Variants in FRY observed in about 807,000 individuals in gnomAD.
The protein encoded by FRY is FRY microtubule binding protein.
In FRY, 128 loss-of-function variants were observed where a neutral mutation model predicts 348.4. The observed-to-expected ratio is 0.37, with a 90% confidence interval of 0.32 to 0.43. FRY has a LOEUF of 0.43. Among genes scored for constraint, FRY ranks in the 20% least tolerant of loss-of-function variants. The pLI is 1.00. For synonymous variants in FRY, 1,370 were observed against 1,374.7 expected, an observed-to-expected ratio of 1.00 and a Z score of 0.08; for missense variants, 2,736 against 3,695.2, an observed-to-expected ratio of 0.74 and a Z score of 6.73.
intron 42 of FRY, 91 bp from the exon 43 acceptor site, chr13:32,235,987 A>G (rs1593781663): frequency 1.1e-6 from 1 of 932,620 alleles, no homozygotes; most frequent in African/African-American, 1.6e-5. Flanking sequence ...CAATAACATT[A>G]TTGGAATACA....
At chr13:32,091,993 T>A (rs531595470) in intron 2 of FRY, among the ~76,000 whole-genome samples, 1 of 152,320 alleles carries the variant, frequency 6.6e-6, no homozygotes, top group African/African-American at 2.4e-5. Flanking sequence ...TAGTGATATA[T>A]TTAACTAATT....
chr13:32,033,742 T>G (rs1005901066), intron 1 of FRY, among the ~76,000 whole-genome samples: 1 of 152,238 alleles, frequency 6.6e-6, no homozygotes, highest in South Asian at 2.1e-4. Context: ...TTAATTTTTT[T>G]ATTTCAGAGT....
At chr13:32,146,196 T>TA (rs917323389) in intron 11 of FRY, among the ~76,000 whole-genome samples, 1 of 138,850 alleles carries the variant, frequency 7.2e-6, no homozygotes, top group African/African-American at 2.7e-5. Flanking sequence ...TTTTTTTTTT[T>TA]ACACCTTTCG....
chr13:32,034,939 A>G (rs1006393946), intron 1 of FRY, among the ~76,000 whole-genome samples: 4 of 152,198 alleles, frequency 2.6e-5, no homozygotes, highest in Non-Finnish European at 2.9e-5. Flanking sequence ...TGGGCTTCAG[A>G]TCTCTTGCTC....
intron 14 of FRY, among the ~76,000 whole-genome samples, chr13:32,154,008 G>C (rs568132984): frequency 6.6e-6 from 1 of 152,042 alleles, no homozygotes; most frequent in Admixed American, 6.6e-5. Flanking sequence ...GTGTTGTCCC[G>C]GGAAAAGGAA....
chr13:32,198,057 A>T (rs1160317417), intron 29 of FRY, among the ~76,000 whole-genome samples: 2 of 152,168 alleles, frequency 1.3e-5, no homozygotes, highest in East Asian at 3.8e-4. Context: ...TCTTTTGCTT[A>T]TTTGAAATCT....
intron 14 of FRY, among the ~76,000 whole-genome samples, 193 bp downstream of exon 14, chr13:32,150,027 G>T (rs868162931): frequency 4.6e-5 from 7 of 152,132 alleles, no homozygotes; most frequent in African/African-American, 1.4e-4. Flanking sequence ...AGAATGAAAC[G>T]GTTAGTTGAA....
chr13:32,157,261 C>A lies in FRY; in HGVS notation c.1652-12C>A. On this transcript the variant is annotated splice_polypyrimidine_tract_variant and intron_variant, in intron 15 of 60. Transcript: ENST00000542859. ...TTCAGTTGAAGGTATAACTATAATG[C>A]ATGTTTTTCAGGCATGTCCTTATAT... The A allele has an allele frequency of 6.2e-7, 1 of 1,606,880 alleles. No individual in the cohort carries two copies. Among genetic ancestry groups the A allele is most frequent in the Non-Finnish European group, 8.5e-7 (1 of 1,173,800 alleles).
At chr13:32,057,891 C>T (rs927021516) in intron 1 of FRY, among the ~76,000 whole-genome samples, 5 of 152,112 alleles carry the variant, frequency 3.3e-5, no homozygotes, top group South Asian at 2.1e-4. Flanking sequence ...ACCCGGGAGG[C>T]GGAGCTTGCA....
intron 3 of FRY, among the ~76,000 whole-genome samples, chr13:32,103,626 G>A (rs776161680): frequency 1.3e-5 from 2 of 152,020 alleles, no homozygotes; most frequent in Non-Finnish European, 2.9e-5. Context: ...AAACCTGCAC[G>A]TTGTGCACAT....
chr13:32,224,457 C>T (rs752834825), intron 37 of FRY, 72 bp downstream of exon 37: 26 of 1,404,592 alleles, frequency 1.9e-5, no homozygotes, highest in Non-Finnish European at 2.5e-5. Flanking sequence ...AAGAGAAAAA[C>T]CTAGTCCAGG....
At chr13:32,248,004 G>T (rs1886891847) in intron 48 of FRY, among the ~76,000 whole-genome samples, 1 of 152,162 alleles carries the variant, frequency 6.6e-6, no homozygotes, top group South Asian at 2.1e-4. Flanking sequence ...AAAGACTAGG[G>T]ACCCAAGCTA....
intron 29 of FRY, among the ~76,000 whole-genome samples, chr13:32,197,154 A>G (rs1192346303): frequency 6.6e-6 from 1 of 152,216 alleles, no homozygotes; most frequent in Non-Finnish European, 1.5e-5. Flanking sequence ...AATTGTATGT[A>G]AGAACAAAGT....
chr13:32,243,942 T>A lies in FRY; in HGVS notation c.6688-100T>A, dbSNP rs902276103. On this transcript the variant is annotated intron_variant, in intron 46 of 60. Coordinates refer to ENST00000542859, the MANE Select transcript of FRY (RefSeq NM_023037.3). ...CCCCATCTCCTAAAAAAATAAAAAA[T>A]AAAAAGGAAATGTGCAATCCTAAAT... 6 of 1,356,184 alleles carry A rather than the reference T, an allele frequency of 4.4e-6. No homozygotes were observed. The South Asian group carries it at 7.0e-5, about 16-fold the overall frequency. 84.0% of individuals were successfully genotyped at this position (1,356,184 alleles called of 1,614,324 possible). A position where few individuals can be genotyped will look rare whatever the true frequency, so the allele number is the denominator to read the frequency against.
In FRY at chr13:32,079,371, C is replaced by A. The variant is rs374356847; in HGVS notation, c.270+338C>A. ...CAGAGTCTCTGTGATATATATATAT[C>A]TCATATATATATATGGCAAAATCTT... On this transcript the variant is annotated intron_variant, in intron 2 of 60. Coordinates refer to ENST00000542859, the MANE Select transcript of FRY (RefSeq NM_023037.3). Among the ~76,000 whole-genome samples the A allele has an allele frequency of 5.9e-5, 9 of 151,978 alleles. No homozygotes were observed. The South Asian group carries it at 1.0e-3, about 18-fold the overall frequency.
intron 3 of FRY, among the ~76,000 whole-genome samples, chr13:32,110,356 A>T (rs2138667154): frequency 6.6e-6 from 1 of 152,248 alleles, no homozygotes; most frequent in East Asian, 1.9e-4. Context: ...TCTTTTTACA[A>T]TAAAAGTCCA....
chr13:32,237,656 G>A lies in FRY; in HGVS notation c.6088G>A (p.Asp2030Asn), dbSNP rs1469438796. The A allele has an allele frequency of 1.2e-6, 2 of 1,614,100 alleles. No individual in the cohort carries two copies. The highest frequency in any genetic ancestry group is 4.5e-5 in the East Asian group (2 of 44,880). Reference protein sequence around the residue: ...SSSSLKDSLTDPSHINHPTNL... With the variant: ...SSSSLKDSLTNPSHINHPTNL... ...ATCCTCCTTGAAGGACAGTCTCACG[G>A]ACCCATCCCACATAAACCATCCCAC... The change falls in exon 44 of 61, where the codon GAC (aspartate) becomes AAC (asparagine). Residue 2030 changes from aspartate (D) to asparagine (N), a missense_variant. Physicochemically the swap from Asp to Asn is conservative, Grantham distance 23. Around this residue, in one of 9 missense-constraint regions of FRY, gnomAD observed 789 missense variants for 996.2 expected, o/e 0.79. Transcript: ENST00000542859. The surrounding 1 kb of genome is among the most constrained non-coding windows in gnomAD (Gnocchi z 6.3).
chr13:32,294,987 A>AT (rs1484661698), intron 60 of FRY, among the ~76,000 whole-genome samples: 1 of 152,184 alleles, frequency 6.6e-6, no homozygotes, highest in Non-Finnish European at 1.5e-5. Flanking sequence ...TACCAAAATA[A>AT]TATTCTAAAA....
chr13:32,224,455 A>C (rs1485961475), intron 37 of FRY, 70 bp downstream of exon 37: 1 of 1,426,648 alleles, frequency 7.0e-7, no homozygotes, highest in East Asian at 2.3e-5. Flanking sequence ...ACAAGAGAAA[A>C]ACCTAGTCCA....
Sources: allele counts gnomAD v4.1 joint callset (sites outside exome capture counted in the v4.1 genomes callset), GRCh38; gene constraint gnomAD v4.1.1; regional missense constraint gnomAD v4.1.1; non-coding constraint Gnocchi (gnomAD v3.1); transcripts MANE v1.5; gene names NCBI Gene and HGNC (gene_info 2026-07-23, HGNC 2026-07-21).